TRAK1: variants seen among roughly 807,000 people sequenced by gnomAD.
TRAK1 encodes trafficking kinesin protein 1.
A neutral mutation model predicts 92.1 loss-of-function variants in TRAK1; 33 were observed. The ratio of observed to expected loss-of-function variants is 0.36; its 90% confidence interval spans 0.27 to 0.48. TRAK1 has a LOEUF of 0.48. Ranked by LOEUF, TRAK1 falls within the 20% of genes least tolerant of loss-of-function variation. TRAK1 has a pLI of 0.99. For missense variants in TRAK1, 1,123 were observed against 1,257.9 expected (o/e 0.89, Z 1.62); for synonymous variants, 521 against 517.3 (o/e 1.01, Z -0.10).
chr3:42,130,014 A>AT (rs986953784), intron 2 of TRAK1, among the ~76,000 whole-genome samples: 12 of 151,812 alleles, frequency 7.9e-5, no homozygotes, highest in African/African-American at 1.5e-4. Context: ...TTCAAAATTC[A>AT]TTTTTTTTCA....
intron 1 of TRAK1, among the ~76,000 whole-genome samples, chr3:42,060,887 G>A (rs1394619552): frequency 3.9e-5 from 6 of 152,026 alleles, no homozygotes; most frequent in Admixed American, 6.6e-5. Flanking sequence ...CACCTTGGCC[G>A]CCTAAAATGC....
intron 3 of TRAK1, among the ~76,000 whole-genome samples, chr3:42,177,629 G>A (rs2149365667): frequency 6.6e-6 from 1 of 152,308 alleles, no homozygotes; most frequent in South Asian, 2.1e-4. Context: ...TGGGGCGTGT[G>A]ACTATGATGT....
In TRAK1 at chr3:42,042,662, C is replaced by T. The variant is rs569103027; in HGVS notation, c.-519+28545C>T. Among the ~76,000 whole-genome samples, 16 of 144,706 alleles carry T rather than the reference C, an allele frequency of 1.1e-4. No homozygotes were observed. In the East Asian group the frequency reaches 2.8e-3, roughly 25 times the overall value. The allele number at this position is 144,706 out of a possible 152,430, so 94.9% of individuals were successfully genotyped here. On this transcript the variant is annotated intron_variant, in intron 1 of 16. Transcript: ENST00000487159. ...CTGGGATTACAGGTGTGAGCCACCG[C>T]GCCCAGCCTGGAACTTTTATTTTTT...
chr3:42,150,821 C>CACA (rs549209751), intron 2 of TRAK1, among the ~76,000 whole-genome samples: 253 of 152,300 alleles, frequency 1.7e-3, no homozygotes, highest in African/African-American at 5.7e-3. Flanking sequence ...GTTCTGTGTA[C>CACA]ATCTTTAACT....
chr3:42,200,020 C>T (rs1358463356), intron 11 of TRAK1, among the ~76,000 whole-genome samples: 1 of 152,194 alleles, frequency 6.6e-6, no homozygotes, highest in East Asian at 1.9e-4. Context: ...GAGCTTCTAC[C>T]ATCTGTCTTC....
At chr3:42,040,296 A>T (rs927830240) in intron 1 of TRAK1, among the ~76,000 whole-genome samples, 1 of 152,184 alleles carries the variant, frequency 6.6e-6, no homozygotes, top group Non-Finnish European at 1.5e-5. Flanking sequence ...TTTATTTATT[A>T]ATTAATTGAT....
At chr3:42,112,011 A>G (rs1708475493) in intron 1 of TRAK1, among the ~76,000 whole-genome samples, 1 of 150,308 alleles carries the variant, frequency 6.7e-6, no homozygotes, top group African/African-American at 2.5e-5. Context: ...TTTCTGTACC[A>G]GGTGTGTGTC....
In TRAK1 at chr3:42,224,967, G is replaced by A. The variant is rs1269386902; in HGVS notation, c.*1230G>A. 1 of 152,172 alleles carries A rather than the reference G, an allele frequency of 6.6e-6. No individual in the cohort carries two copies. Among genetic ancestry groups the A allele is most frequent in the Non-Finnish European group, 1.5e-5 (1 of 68,040 alleles). The allele number at this position is 152,172 out of a possible 1,614,324, so 9.4% of individuals were successfully genotyped here. On this transcript the variant is annotated 3_prime_UTR_variant, in exon 16 of 16. Transcript: ENST00000327628. The stretch of plus-strand genomic sequence containing the variant: ...TCCCTCCAAAGCCTTTTGTCTCCTT[G>A]TGCCTCTTTTTATCCTTAGGAAAAG...
intron 1 of TRAK1, among the ~76,000 whole-genome samples, chr3:42,113,935 A>G (rs1708825747): frequency 6.6e-6 from 1 of 152,066 alleles, no homozygotes; most frequent in Non-Finnish European, 1.5e-5. Flanking sequence ...GTTCCAGAAC[A>G]TTTTCATCAC....
chr3:42,045,780 A>G (rs1702728001), intron 1 of TRAK1, among the ~76,000 whole-genome samples: 2 of 152,146 alleles, frequency 1.3e-5, no homozygotes, highest in Non-Finnish European at 2.9e-5. Context: ...ACCAGCAGTT[A>G]TTCTGTGATT....
chr3:42,022,538 A>G (rs1027765412), intron 1 of TRAK1, among the ~76,000 whole-genome samples: 1 of 151,908 alleles, frequency 6.6e-6, no homozygotes, highest in Non-Finnish European at 1.5e-5. Flanking sequence ...CCTGGGCAAT[A>G]TGGTGAAACC....
chr3:42,110,417 T>C (rs1708229766), intron 1 of TRAK1, among the ~76,000 whole-genome samples: 2 of 151,888 alleles, frequency 1.3e-5, no homozygotes, highest in Non-Finnish European at 2.9e-5. Context: ...GCTGAGGTGC[T>C]CCTCTCTGGG....
intron 1 of TRAK1, among the ~76,000 whole-genome samples, chr3:42,031,755 A>G (rs1351734393): frequency 6.6e-6 from 1 of 152,180 alleles, no homozygotes; most frequent in Non-Finnish European, 1.5e-5. Context: ...TGTTTTCAAA[A>G]TGATCCTTTT....
chr3:42,113,812 CCA>C (rs1708807876), intron 1 of TRAK1, among the ~76,000 whole-genome samples: 1 of 152,220 alleles, frequency 6.6e-6, no homozygotes, highest in South Asian at 2.1e-4. Context: ...CCTCAGCCTC[CCA>C]CAGTGTTGGG....
At chr3:42,091,658 G>T in intron 1 of TRAK1, 98 bp downstream of exon 1, 10 of 1,148,728 alleles carry the variant, frequency 8.7e-6, no homozygotes, top group Non-Finnish European at 1.1e-5. Flanking sequence ...CTCTTGCTCC[G>T]TGCTGCTTGG....
chr3:42,166,540 G>A (rs1199584678), intron 2 of TRAK1, among the ~76,000 whole-genome samples: 1 of 152,224 alleles, frequency 6.6e-6, no homozygotes, highest in Non-Finnish European at 1.5e-5. Context: ...TTTGTTAAAT[G>A]AGGCTCATAT....
chr3:42,133,009 C>T (rs4973901), intron 2 of TRAK1, among the ~76,000 whole-genome samples: 65,507 of 152,038 alleles, frequency 0.43, 15,251 homozygotes, highest in South Asian at 0.6. Context: ...CAGACCCGTT[C>T]TCTGACCTGG....
intron 1 of TRAK1, among the ~76,000 whole-genome samples, chr3:42,021,827 C>T (rs1408691786): frequency 6.6e-6 from 1 of 152,164 alleles, no homozygotes; most frequent in Non-Finnish European, 1.5e-5. Context: ...CCTGCCTCGG[C>T]CTCCCAAAGT....
intron 2 of TRAK1, among the ~76,000 whole-genome samples, chr3:42,169,686 A>G (rs1032819353): frequency 6.6e-6 from 1 of 150,488 alleles, no homozygotes; most frequent in Non-Finnish European, 1.5e-5. Flanking sequence ...AAAAAAAAAA[A>G]AGTGGGGATA....
Sources: allele counts gnomAD v4.1 joint callset (sites outside exome capture counted in the v4.1 genomes callset), GRCh38; gene constraint gnomAD v4.1.1; transcripts MANE v1.5; gene names NCBI Gene and HGNC (gene_info 2026-07-23, HGNC 2026-07-21).